The following OR2J3 variants were observed in gnomAD, a reference collection of about 807,000 sequenced individuals.
OR2J3 encodes the protein olfactory receptor 2J3.
In OR2J3, 13 loss-of-function variants were observed where a neutral mutation model predicts 18.5. The ratio of observed to expected loss-of-function variants is 0.70; its 90% CI spans 0.46 to 1.12. OR2J3 has a LOEUF of 1.12. OR2J3 is among the 50% of genes most tolerant of loss of function. The pLI is 0.00. For missense variants in OR2J3, 321 were observed against 371.6 expected (o/e 0.86, Z 1.12); for synonymous variants, 142 against 140.6 (o/e 1.01, Z -0.07).
chr6:29,110,388 T>C (rs1344825802), intron 3 of OR2J3, among the ~76,000 whole-genome samples: 1 of 152,196 alleles, frequency 6.6e-6, no homozygotes, highest in East Asian at 1.9e-4. Context: ...CATTTTGAAA[T>C]GACTAAATTC....
intron 3 of OR2J3, among the ~76,000 whole-genome samples, chr6:29,110,528 A>G (rs1442681745): frequency 1.3e-5 from 2 of 152,180 alleles, no homozygotes; most frequent in Admixed American, 1.3e-4. Context: ...TTATTTATTA[A>G]CAAAGAAAGA....
At position 29,114,560 on chromosome 6, in the gene OR2J3, G is replaced by A. The variant is rs1004854298; in HGVS notation, c.*1734G>A. ...CAATTATTACTCAAGCTAATTAACA[G>A]ATCATTAACTCACATACTTACCTGT... On this transcript the variant is annotated 3_prime_UTR_variant, in exon 4 of 4. Transcript: ENST00000641151. The A allele has an allele frequency of 6.6e-6, 1 of 151,236 alleles. No individual in the cohort carries two copies. Among genetic ancestry groups the A allele is most frequent in the African/African-American group, 2.4e-5 (1 of 41,192 alleles). The allele number at this position is 151,236 out of a possible 1,614,324, so 9.4% of individuals were successfully genotyped here.
In OR2J3 at chr6:29,112,816, G is replaced by A; in HGVS notation, c.926G>A (p.Gly309Glu). The change falls in exon 4 of 4, where the codon GGG becomes GAG. Residue 309 changes from glycine (G) to glutamate (E), a missense_variant. Coordinates refer to ENST00000641151, the MANE Select transcript of OR2J3 (RefSeq NM_001005216.4). ...AGAGGGGCAGTGAAGAGACTAATGG[G>A]GTGGGAATGAGCCTGTGTATGTGTC... Reference protein sequence around the residue: ...VVRGAVKRLMGWE With the variant: ...VVRGAVKRLMEWE 33 of 1,612,094 alleles carry A rather than the reference G, an allele frequency of 2.0e-5. No homozygotes were observed. Among genetic ancestry groups the A allele is most frequent in the Non-Finnish European group, 2.7e-5 (32 of 1,178,998 alleles).
At position 29,112,019 on chromosome 6, in the gene OR2J3, A is replaced by G. The variant is rs766921073; in HGVS notation, c.129A>G (p.Ile43Met). Residue 43 changes from isoleucine (I) to methionine (M), a missense_variant, in exon 4 of 4, where the codon ATA (isoleucine) becomes ATG (methionine). Coordinates refer to ENST00000641151, the MANE Select transcript of OR2J3 (RefSeq NM_001005216.4). ...TGATCTTCTACTTGATGACACTGATAGGAAACCTGTTCATCATCATCCTGT... is the reference window on the plus strand; with the variant it reads ...TGATCTTCTACTTGATGACACTGATGGGAAACCTGTTCATCATCATCCTGT... ...VVLIFYLMTL[I>M]GNLFIIILSY... 123 of 1,613,958 alleles carry G rather than the reference A, an allele frequency of 7.6e-5. No homozygotes were observed. The highest frequency in any genetic ancestry group is 1.0e-4 in the Non-Finnish European group (123 of 1,180,040).
Position 29,112,460 on chromosome 6 carries a change from A to G in OR2J3, c.570A>G (p.Leu190=). The G allele has an allele frequency of 6.2e-7, 1 of 1,614,006 alleles. No individual in the cohort carries two copies. Among genetic ancestry groups the G allele is most frequent in the Non-Finnish European group, 8.5e-7 (1 of 1,179,988 alleles). ...GTGAAGTTCCAGCACTTCTGCGATT[A>G]TCGTGTGTTGATACCCATGTCAATG... ...FFCEVPALLR[L]SCVDTHVNEL... Residue 190 remains leucine, a synonymous_variant, in exon 4 of 4, where the codon TTA becomes TTG. Transcript: ENST00000641151.
rs754950108 is a variant in OR2J3 at position 29,112,161 on chromosome 6, C to T, written c.271C>T (p.Pro91Ser). The change falls in exon 4 of 4, where the codon CCG (proline) becomes TCG (serine). Residue 91 changes from proline to serine, a missense_variant. Pro to Ser is a moderately conservative substitution (Grantham distance 74, BLOSUM62 -1). Coordinates refer to ENST00000641151, the MANE Select transcript of OR2J3 (RefSeq NM_001005216.4). ...TCAGTTGCTGGTCAATCTCTGGGGC[C>T]CGGAAAAGACCATCTCTTATGCTGG... ...IPQLLVNLWG[P>S]EKTISYAGCM... 1.9e-6 allele frequency: 3 copies of T among 1,613,992 alleles called. No individual in the cohort carries two copies. The highest frequency in any genetic ancestry group is 2.5e-6 in the Non-Finnish European group (3 of 1,180,040).
chr6:29,112,981 A>G lies in OR2J3; in HGVS notation c.*155A>G, dbSNP rs1762208048. ...GGTCGTGGAGTTCCTGGTAACAGGT[A>G]GGAATAAAACACAGTCAGCCTAAAT... On this transcript the variant is annotated 3_prime_UTR_variant, in exon 4 of 4. Coordinates refer to ENST00000641151, the MANE Select transcript of OR2J3 (RefSeq NM_001005216.4). The G allele has an allele frequency of 1.0e-5, 9 of 869,644 alleles. No homozygotes were observed. Among genetic ancestry groups the G allele is most frequent in the Admixed American group, 3.0e-5 (1 of 33,896 alleles). 53.9% of individuals were successfully genotyped at this position (869,644 alleles called of 1,614,324 possible).
Position 29,108,550 on chromosome 6 carries a change from C to T in OR2J3, c.-167C>T, listed in dbSNP as rs867770795. On this transcript the variant is annotated 5_prime_UTR_variant, in exon 2 of 4. Coordinates refer to ENST00000641151, the MANE Select transcript of OR2J3 (RefSeq NM_001005216.4). ...TATTTTTTGTAGAGACATGGTCTCA[C>T]TTCATTGCCCAGGCTAGTCTCGAAC... 5 of 152,240 alleles carry T rather than the reference C, an allele frequency of 3.3e-5. No homozygotes were observed. The highest frequency in any genetic ancestry group is 1.2e-4 in the African/African-American group (5 of 41,520). 9.4% of individuals were successfully genotyped at this position (152,240 alleles called of 1,614,324 possible).
rs1488635501 is a variant in OR2J3 at position 29,112,005 on chromosome 6, T to C, written c.115T>C (p.Leu39=). The C allele has an allele frequency of 5.6e-6, 9 of 1,613,992 alleles. No homozygotes were observed. The highest frequency in any genetic ancestry group is 7.6e-6 in the Non-Finnish European group (9 of 1,180,028). Residue 39 remains leucine, a synonymous_variant, in exon 4 of 4, where the codon TTG becomes CTG. Coordinates refer to ENST00000641151, the MANE Select transcript of OR2J3 (RefSeq NM_001005216.4). The part of the protein sequence containing the change: ...VIFVVVLIFY[L]MTLIGNLFII... ...CTTTGTGGTTGTCTTGATCTTCTACTTGATGACACTGATAGGAAACCTGTT... is the reference window on the plus strand; with the variant it reads ...CTTTGTGGTTGTCTTGATCTTCTACCTGATGACACTGATAGGAAACCTGTT...
chr6:29,110,855 TTATCTATCTATCTATCTATCTATC>T (rs9280546), intron 3 of OR2J3, among the ~76,000 whole-genome samples: 7,138 of 149,238 alleles, frequency 0.048, 378 homozygotes, highest in African/African-American at 0.14. Flanking sequence ...ATCTATCTAT[TTATCTATCTATCTATCTATCTATC>T]TATCTATCTA....
intron 3 of OR2J3, among the ~76,000 whole-genome samples, chr6:29,109,190 A>T (rs1762035159): frequency 6.6e-6 from 1 of 152,126 alleles, no homozygotes; most frequent in Non-Finnish European, 1.5e-5. Context: ...AATCTTCATG[A>T]TTTACTCTTT....
intron 3 of OR2J3, 165 bp from the exon 4 acceptor site, chr6:29,111,715 TA>T: frequency 1.6e-6 from 1 of 609,750 alleles, no homozygotes; most frequent in Non-Finnish European, 2.8e-6. Flanking sequence ...ATGAGCTTTA[TA>T]ATTCTTCTTT....
rs3131092 is a variant in OR2J3 at position 29,108,595 on chromosome 6, A to G, written c.-122A>G. Reference sequence around the variant, plus strand: ...TCGAACTTCTGGGCTCCAGAGATCCACCCACCTTGGCCTCCCAAAGTGTCA... The same window carrying G: ...TCGAACTTCTGGGCTCCAGAGATCCGCCCACCTTGGCCTCCCAAAGTGTCA... On this transcript the variant is annotated 5_prime_UTR_variant, in exon 2 of 4. Transcript: ENST00000641151. 65,779 of 151,912 alleles carry G rather than the reference A, an allele frequency of 0.43. 17,569 individuals carry two copies. The highest frequency in any genetic ancestry group is 0.6 in the Non-Finnish European group (40,698 of 67,958). 9.4% of individuals were successfully genotyped at this position (151,912 alleles called of 1,614,324 possible).
In OR2J3 at chr6:29,112,921, C is replaced by G; in HGVS notation, c.*95C>G. ...TATCAACCATTCTTTTATTCACTCA[C>G]TCTGTTAGCACTTGCTGAGCATGTA... On this transcript the variant is annotated 3_prime_UTR_variant, in exon 4 of 4. Transcript: ENST00000641151. 5.7e-6 allele frequency: 8 copies of G among 1,414,834 alleles called. No individual in the cohort carries two copies. The highest frequency in any genetic ancestry group is 7.5e-6 in the Non-Finnish European group (8 of 1,067,780). 87.6% of individuals were successfully genotyped at this position (1,414,834 alleles called of 1,614,324 possible).
intron 1 of OR2J3, 38 bp from the exon 2 acceptor site, chr6:29,108,499 A>T (rs544017823): frequency 9.9e-5 from 15 of 151,846 alleles, no homozygotes; most frequent in Admixed American, 5.9e-4. Flanking sequence ...GGTACATGAG[A>T]TTTTTTTTGA....
chr6:29,109,063 C>CTATAACACAAA (rs1331076214), intron 3 of OR2J3, among the ~76,000 whole-genome samples, 188 bp downstream of exon 3: 8 of 152,092 alleles, frequency 5.3e-5, no homozygotes, highest in African/African-American at 1.9e-4. Flanking sequence ...GAGAAGGTAA[C>CTATAACACAAA]TATAACATTT....
intron 3 of OR2J3, among the ~76,000 whole-genome samples, chr6:29,110,825 T>G (rs1762093696): frequency 6.6e-6 from 1 of 151,836 alleles, no homozygotes; most frequent in African/African-American, 2.4e-5. Context: ...CCCAAAGCTT[T>G]GTTATATCAT....
chr6:29,112,511 C>A lies in OR2J3; in HGVS notation c.621C>A (p.Ser207=), dbSNP rs1488015238. Residue 207 remains serine (S), a synonymous_variant, in exon 4 of 4, where the codon TCC becomes TCA. Transcript: ENST00000641151. The stretch of plus-strand genomic sequence containing the variant: ...AGCTGACCCTCATGATCACAAGCTC[C>A]ATATTTGTTCTCATACCTCTCATCC... ...VNELTLMITS[S]IFVLIPLILI... is the part of the protein sequence containing the mutation. 6.2e-7 allele frequency: 1 copy of A among 1,613,996 alleles called. No individual in the cohort carries two copies. Among genetic ancestry groups the A allele is most frequent in the African/African-American group, 1.3e-5 (1 of 74,912 alleles).
In OR2J3 at chr6:29,112,956, G is replaced by C. The variant is rs1321719783; in HGVS notation, c.*130G>C. The C allele has an allele frequency of 8.7e-7, 1 of 1,152,710 alleles. No individual in the cohort carries two copies. Among genetic ancestry groups the C allele is most frequent in the Non-Finnish European group, 1.2e-6 (1 of 841,708 alleles). The allele number at this position is 1,152,710 out of a possible 1,614,324, so 71.4% of individuals were successfully genotyped here. ...ACTTGCTGAGCATGTACTCTAACAA[G>C]GTCGTGGAGTTCCTGGTAACAGGTA... On this transcript the variant is annotated 3_prime_UTR_variant, in exon 4 of 4. Transcript: ENST00000641151.
Sources: gnomAD v4.1 joint callset for allele counts (sites outside exome capture counted in the v4.1 genomes callset) on GRCh38, gnomAD v4.1.1 for gene constraint, MANE v1.5 for transcripts, NCBI Gene and HGNC (gene_info 2026-07-23, HGNC 2026-07-21) for gene names.